Variants in SP140 observed in about 807,000 individuals in gnomAD.
SP140 encodes the protein SP140 nuclear body protein.
In SP140, 81 loss-of-function variants were observed where a neutral mutation model predicts 125.0. The ratio of observed to expected loss-of-function variants is 0.65; its 90% CI spans 0.54 to 0.78. SP140 has a LOEUF of 0.78. Among genes scored for constraint, SP140 ranks in the 30% least tolerant of loss-of-function variants. The pLI, the probability that SP140 is intolerant of heterozygous loss-of-function variation, is 0.00. For synonymous variants in SP140, 312 were observed against 354.0 expected (o/e 0.88, Z 1.33); for missense variants, 858 against 1,037.0 (o/e 0.83, Z 2.37).
chr2:230,307,243 C>T (rs528922086), intron 22 of SP140, among the ~76,000 whole-genome samples: 3 of 152,322 alleles, frequency 2.0e-5, no homozygotes, highest in East Asian at 1.9e-4. Flanking sequence ...TTCTACTGCT[C>T]GGTAAAGCTC....
chr2:230,203,035 G>A (rs2148863401), upstream of SP140: 1 of 409,940 alleles, frequency 2.4e-6, no homozygotes, highest in South Asian at 2.2e-5. Flanking sequence ...CCTGCACCAC[G>A]AGGTGGCCAC....
At chr2:230,235,767 A>G (rs985931368) in intron 1 of SP140, among the ~76,000 whole-genome samples, 9 of 152,184 alleles carry the variant, frequency 5.9e-5, no homozygotes, top group African/African-American at 2.2e-4. Context: ...AATGTCTGAA[A>G]TCCAGAGGTC....
chr2:230,232,778 G>A (rs986185492), intron 1 of SP140, among the ~76,000 whole-genome samples: 1 of 152,110 alleles, frequency 6.6e-6, no homozygotes, highest in Admixed American at 6.5e-5. Context: ...TACATTTTGT[G>A]TATCTTTGTT....
intron 15 of SP140, among the ~76,000 whole-genome samples, chr2:230,278,793 G>A (rs1425494044): frequency 1.3e-5 from 2 of 151,982 alleles, no homozygotes; most frequent in South Asian, 4.1e-4. Context: ...CCCTTGTCAA[G>A]ATTAAATGCC....
chr2:230,270,475 A>T (rs1053360597), intron 14 of SP140, 111 bp from the exon 15 acceptor site: 13 of 1,108,130 alleles, frequency 1.2e-5, no homozygotes, highest in Non-Finnish European at 1.6e-5. Flanking sequence ...GAGAGGAATG[A>T]TTATCCAAGC....
At chr2:230,248,162 A>G (rs1266555181) in intron 8 of SP140, 97 bp downstream of exon 8, 9 of 1,157,614 alleles carry the variant, frequency 7.8e-6, no homozygotes, top group East Asian at 2.3e-5. Context: ...GACAGTCTCT[A>G]TCAGATTACT....
rs532511535 is a variant in SP140 at position 230,290,144 on chromosome 2, C to T, written c.1721-316C>T. ...CATAGCTGGAGAGCTTCTGTCAGAA[C>T]AGTGACAGCAACTGTGTTTCATTGT... On this transcript the variant is annotated intron_variant, in intron 18 of 26. Transcript: ENST00000392045. 2.6e-5 allele frequency among the ~76,000 whole-genome samples: 4 copies of T among 152,296 alleles called. No individual in the cohort carries two copies. The South Asian group carries it at 8.3e-4, about 32-fold the overall frequency.
At chr2:230,200,923 G>T (rs746736624), upstream of SP140, 8 of 1,613,816 alleles carry the variant, frequency 5.0e-6, no homozygotes, top group Non-Finnish European at 6.8e-6. Context: ...CGTCTTCTGG[G>T]ACCTCTTTCC....
chr2:230,276,789 A>T (rs2149390386), intron 15 of SP140, among the ~76,000 whole-genome samples: 1 of 152,326 alleles, frequency 6.6e-6, no homozygotes, highest in Middle Eastern at 3.4e-3. Flanking sequence ...GGAGGTCAAA[A>T]TATCAACATT....
intron 1 of SP140, among the ~76,000 whole-genome samples, chr2:230,206,595 T>TTATATATATATATA (rs56817002): frequency 0.021 from 1,478 of 69,732 alleles, 76 homozygotes; most frequent in East Asian, 0.031. Flanking sequence ...GGTCCAGATT[T>TTATATATATATATA]TATATATATA....
downstream of SP140, among the ~76,000 whole-genome samples, chr2:230,315,141 G>A (rs1291549670): frequency 6.6e-6 from 1 of 152,190 alleles, no homozygotes; most frequent in Non-Finnish European, 1.5e-5. Flanking sequence ...TGAGCAGAAT[G>A]CTGAGGTCAG....
At chr2:230,218,090 T>C (rs542570498) in intron 3 of SP140, among the ~76,000 whole-genome samples, 1 of 152,324 alleles carries the variant, frequency 6.6e-6, no homozygotes, top group East Asian at 1.9e-4. Flanking sequence ...TAGGTTATAA[T>C]GGGAAGAAAG....
intron 1 of SP140, among the ~76,000 whole-genome samples, chr2:230,209,067 T>C (rs1333927611): frequency 6.6e-6 from 1 of 152,228 alleles, no homozygotes; most frequent in Non-Finnish European, 1.5e-5. Context: ...ATATTTTTGA[T>C]TCTTTTTCTT....
intron 10 of SP140, among the ~76,000 whole-genome samples, chr2:230,252,895 A>G (rs2050586277): frequency 6.6e-6 from 1 of 152,124 alleles, no homozygotes; most frequent in Non-Finnish European, 1.5e-5. Context: ...GGAGTGAACC[A>G]GGGATCAATG....
chr2:230,186,168 GT>G, the SP140 span: 2 of 1,613,082 alleles, frequency 1.2e-6, no homozygotes, highest in Non-Finnish European at 8.5e-7. Context: ...CTTGTGAATA[GT>G]TTAGTGAGCT....
intron 19 of SP140, among the ~76,000 whole-genome samples, chr2:230,292,433 G>A (rs1006967126): frequency 1.3e-5 from 2 of 152,206 alleles, no homozygotes; most frequent in African/African-American, 2.4e-5. Context: ...CATGGATGAA[G>A]GTCAAAGAAA....
At chr2:230,303,421 T>A (rs1250823459) in intron 22 of SP140, among the ~76,000 whole-genome samples, 1 of 152,134 alleles carries the variant, frequency 6.6e-6, no homozygotes, top group Non-Finnish European at 1.5e-5. Flanking sequence ...AATTAAAAAA[T>A]TGCCAATACT....
At chr2:230,297,227 A>C (rs72990212) in intron 21 of SP140, among the ~76,000 whole-genome samples, 194 bp from the exon 22 acceptor site, 1 of 152,360 alleles carries the variant, frequency 6.6e-6, no homozygotes, top group East Asian at 1.9e-4. Flanking sequence ...TACTGTTTAC[A>C]TCAGGTTTCA....
the SP140 span, among the ~76,000 whole-genome samples, chr2:230,190,796 C>T: frequency 6.6e-6 from 1 of 152,128 alleles, no homozygotes; most frequent in Non-Finnish European, 1.5e-5. Flanking sequence ...TTTCCTGGCA[C>T]CATTTATTAA....
Sources: gnomAD v4.1 joint callset for allele counts (sites outside exome capture counted in the v4.1 genomes callset) on GRCh38, gnomAD v4.1.1 for gene constraint, MANE v1.5 for transcripts, NCBI Gene and HGNC (gene_info 2026-07-23, HGNC 2026-07-21) for gene names.